The following ATP9B variants were observed in gnomAD, a reference collection of about 807,000 sequenced individuals.
ATP9B encodes the protein probable phospholipid-transporting ATPase IIB.
Under a neutral mutation model 146.1 loss-of-function variants are expected in ATP9B, and 110 were observed. The observed-to-expected ratio is 0.75, with a 90% confidence interval of 0.65 to 0.88. The LOEUF (loss-of-function observed/expected upper bound fraction) is 0.88, where lower values mean the gene tolerates loss of function less well. Ranked by LOEUF, ATP9B falls within the 40% of genes least tolerant of loss-of-function variation. The probability of loss-of-function intolerance (pLI) is 0.00; values close to 1 mark genes in which losing one functional copy is unlikely to be tolerated. For missense variants in ATP9B, 1,499 were observed against 1,496.4 expected, an observed-to-expected ratio of 1.00 and a Z score of -0.03; for synonymous variants, 604 against 569.7, an observed-to-expected ratio of 1.06 and a Z score of -0.86.
At chr18:79,108,914 G>A (rs1024305315) in intron 2 of ATP9B, among the ~76,000 whole-genome samples, 5 of 152,146 alleles carry the variant, frequency 3.3e-5, no homozygotes, top group Non-Finnish European at 7.4e-5. Flanking sequence ...TTCAAATACT[G>A]AAACCTGCAA....
intron 2 of ATP9B, among the ~76,000 whole-genome samples, chr18:79,105,609 A>C (rs2075600162): frequency 6.6e-6 from 1 of 152,244 alleles, no homozygotes; most frequent in African/African-American, 2.4e-5. Context: ...CATGTGAGTG[A>C]ATACACCTTT....
chr18:79,270,142 A>T (rs777412484), intron 12 of ATP9B, among the ~76,000 whole-genome samples: 1 of 152,300 alleles, frequency 6.6e-6, no homozygotes, highest in South Asian at 2.1e-4. Flanking sequence ...CTTAAATTGC[A>T]TAAATCAGTA....
chr18:79,170,939 C>T (rs1275678746), intron 7 of ATP9B, among the ~76,000 whole-genome samples: 1 of 152,130 alleles, frequency 6.6e-6, no homozygotes, highest in Non-Finnish European at 1.5e-5. Context: ...ATTTTCTTCC[C>T]TGGTTTCTTG....
intron 13 of ATP9B, 130 bp downstream of exon 13, chr18:79,277,326 T>C (rs2096322944): frequency 4.9e-6 from 6 of 1,214,292 alleles, no homozygotes; most frequent in Middle Eastern, 4.2e-4. Context: ...ATTGAATCCA[T>C]ATTTAGAATT....
intron 5 of ATP9B, among the ~76,000 whole-genome samples, chr18:79,136,602 G>A (rs2094450431): frequency 6.6e-6 from 1 of 152,146 alleles, no homozygotes; most frequent in African/African-American, 2.4e-5. Context: ...TTGAGGTAGT[G>A]ACACATTCAT....
At chr18:79,275,600 G>A (rs1038152958) in intron 12 of ATP9B, among the ~76,000 whole-genome samples, 1 of 152,236 alleles carries the variant, frequency 6.6e-6, no homozygotes, top group Non-Finnish European at 1.5e-5. Context: ...TAGCCCATTT[G>A]TTAGGAGGCA....
intron 12 of ATP9B, among the ~76,000 whole-genome samples, chr18:79,272,237 G>T (rs1014958258): frequency 2.6e-5 from 4 of 152,172 alleles, no homozygotes; most frequent in Admixed American, 6.5e-5. Flanking sequence ...GACTACATTT[G>T]TTTGTCCTTA....
At chr18:79,090,195 C>T (rs548992627) in intron 1 of ATP9B, among the ~76,000 whole-genome samples, 4 of 152,150 alleles carry the variant, frequency 2.6e-5, no homozygotes, top group Non-Finnish European at 5.9e-5. Flanking sequence ...TAGATTGCTT[C>T]CAAATTTTAA....
chr18:79,248,808 G>C (rs549653999), intron 11 of ATP9B, among the ~76,000 whole-genome samples: 1 of 152,188 alleles, frequency 6.6e-6, no homozygotes, highest in Non-Finnish European at 1.5e-5. Context: ...GGGTAAGTAC[G>C]CGTGAGTTTT....
At chr18:79,150,470 C>A (rs1021665992) in intron 6 of ATP9B, among the ~76,000 whole-genome samples, 9 of 152,066 alleles carry the variant, frequency 5.9e-5, no homozygotes, top group Non-Finnish European at 1.3e-4. Flanking sequence ...TCCATATATC[C>A]CAGGTGGGTG....
At chr18:79,336,745 G>T (rs778663757) in intron 18 of ATP9B, 34 bp downstream of exon 18, 4 of 1,598,856 alleles carry the variant, frequency 2.5e-6, no homozygotes, top group Admixed American at 3.4e-5. Context: ...ATCCTCCTAC[G>T]ACGTTTCCTT....
intron 26 of ATP9B, chr18:79,361,437 A>C (rs2147854890): frequency 6.6e-6 from 1 of 152,140 alleles, no homozygotes; most frequent in South Asian, 2.1e-4. Context: ...GATCTCATTA[A>C]GGGTATTAAA....
intron 9 of ATP9B, among the ~76,000 whole-genome samples, chr18:79,194,124 C>T (rs1014198221): frequency 1.3e-5 from 2 of 152,152 alleles, no homozygotes; most frequent in African/African-American, 4.8e-5. Flanking sequence ...GAGGAGGAAG[C>T]ATGACCTGGT....
intron 10 of ATP9B, chr18:79,209,624 G>A (rs539465861): frequency 5.1e-6 from 5 of 984,784 alleles, no homozygotes; most frequent in Non-Finnish European, 6.0e-6. Flanking sequence ...GCCCCATCCT[G>A]TCCATTCTGT....
chr18:79,234,385 C>T (rs1321815554), intron 11 of ATP9B, among the ~76,000 whole-genome samples: 3 of 152,246 alleles, frequency 2.0e-5, no homozygotes, highest in African/African-American at 4.8e-5. Context: ...TGTGTGTCAG[C>T]GTGTGCTCCT....
chr18:79,083,350 G>T (rs2073463070), intron 1 of ATP9B, among the ~76,000 whole-genome samples: 1 of 152,190 alleles, frequency 6.6e-6, no homozygotes, highest in Non-Finnish European at 1.5e-5. Flanking sequence ...GCTCCGTGGG[G>T]GTGGGATTCG....
At chr18:79,252,673 C>A (rs2096038644) in intron 11 of ATP9B, among the ~76,000 whole-genome samples, 1 of 152,168 alleles carries the variant, frequency 6.6e-6, no homozygotes, top group African/African-American at 2.4e-5. Flanking sequence ...TTTGCCCTCA[C>A]AGTTTGCTCA....
intron 3 of ATP9B, among the ~76,000 whole-genome samples, chr18:79,112,459 A>C (rs573920958): frequency 3.3e-4 from 51 of 152,340 alleles, no homozygotes; most frequent in Non-Finnish European, 6.2e-4. Flanking sequence ...AACCAAAACC[A>C]AAACCTTTCA....
intron 12 of ATP9B, among the ~76,000 whole-genome samples, chr18:79,263,233 G>A (rs2096163611): frequency 6.6e-6 from 1 of 152,094 alleles, no homozygotes; most frequent in African/African-American, 2.4e-5. Context: ...GTCATCTCTT[G>A]GTTCCCATGG....
Sources: gnomAD v4.1 joint callset for allele counts (sites outside exome capture counted in the v4.1 genomes callset) on GRCh38, gnomAD v4.1.1 for gene constraint, MANE v1.5 for transcripts, NCBI Gene and HGNC (gene_info 2026-07-23, HGNC 2026-07-21) for gene names.